Variants in BRINP2 observed in about 807,000 individuals in gnomAD.
BRINP2 encodes BMP/retinoic acid-inducible neural-specific protein 2.
Under a neutral mutation model 69.2 loss-of-function variants are expected in BRINP2, and 21 were observed. That is an observed-to-expected ratio of 0.30 (90% confidence interval 0.22 to 0.44). The LOEUF is 0.44. BRINP2 is among the 20% of genes least tolerant of loss of function. BRINP2 has a pLI of 1.00. For missense variants in BRINP2, 877 were observed against 986.0 expected (o/e 0.89, Z 1.48); for synonymous variants, 380 against 394.1 (o/e 0.96, Z 0.42).
intron 6 of BRINP2, 57 bp from the exon 7 acceptor site, chr1:177,278,506 C>A: frequency 6.5e-7 from 1 of 1,540,286 alleles, no homozygotes; most frequent in Admixed American, 1.7e-5. Flanking sequence ...TCCACTTGCC[C>A]CTACCAGAGT....
At position 177,198,202 on chromosome 1, in the gene BRINP2, A is replaced by C. The variant is rs187056015; in HGVS notation, c.-77+26470A>C. Among the ~76,000 whole-genome samples the C allele has an allele frequency of 1.2e-3, 189 of 152,344 alleles. 1 individual carries two copies. Among genetic ancestry groups the C allele is most frequent in the African/African-American group, 4.1e-3 (170 of 41,592 alleles). ...GGAAAATGTATGTAGAAATGTTCAC[A>C]TATATATTACATCTAAACAGACAAA... On this transcript the variant is annotated intron_variant, in intron 1 of 7. Transcript: ENST00000361539.
chr1:177,226,465 G>A (rs541713592), intron 1 of BRINP2, among the ~76,000 whole-genome samples: 21 of 152,186 alleles, frequency 1.4e-4, no homozygotes, highest in Non-Finnish European at 2.6e-4. Flanking sequence ...GGTCTTCAGG[G>A]AGCATGAAGA....
At chr1:177,204,127 C>T (rs1001598165) in intron 1 of BRINP2, among the ~76,000 whole-genome samples, 1 of 152,070 alleles carries the variant, frequency 6.6e-6, no homozygotes, top group Admixed American at 6.6e-5. Flanking sequence ...ATGCATCCTA[C>T]GTTATAAGAA....
At chr1:177,256,223 G>T in intron 3 of BRINP2, 114 bp downstream of exon 3, 1 of 1,430,174 alleles carries the variant, frequency 7.0e-7, no homozygotes. Context: ...TTTATTGCCT[G>T]AGAAGTCTTT....
chr1:177,222,076 A>G (rs2102319063), intron 1 of BRINP2, among the ~76,000 whole-genome samples: 1 of 152,332 alleles, frequency 6.6e-6, no homozygotes, highest in East Asian at 1.9e-4. Context: ...ATTCAGAGTG[A>G]CCTGGAGAAA....
intron 1 of BRINP2, among the ~76,000 whole-genome samples, chr1:177,195,124 C>T (rs1489587856): frequency 1.3e-5 from 2 of 152,162 alleles, no homozygotes; most frequent in African/African-American, 4.8e-5. Flanking sequence ...CTTTTCTTCA[C>T]TGTCCTGTTT....
intron 1 of BRINP2, 88 bp from the exon 2 acceptor site, chr1:177,229,713 G>T: frequency 2.1e-6 from 2 of 930,798 alleles, no homozygotes; most frequent in East Asian, 2.9e-5. Context: ...AGGATTTCCG[G>T]AATGGGCCCA....
intron 1 of BRINP2, among the ~76,000 whole-genome samples, chr1:177,185,384 T>C (rs1286321852): frequency 6.6e-6 from 1 of 152,184 alleles, no homozygotes; most frequent in Non-Finnish European, 1.5e-5. Context: ...ATAAATTTTC[T>C]ATGGAAAGTA....
At chr1:177,205,459 C>T (rs1264785528) in intron 1 of BRINP2, among the ~76,000 whole-genome samples, 1 of 152,142 alleles carries the variant, frequency 6.6e-6, no homozygotes, top group East Asian at 1.9e-4. Context: ...TTTTCTTCAA[C>T]AGAATTTCAG....
chr1:177,264,838 A>G (rs1007369333), intron 4 of BRINP2, among the ~76,000 whole-genome samples: 1 of 152,226 alleles, frequency 6.6e-6, no homozygotes, highest in Non-Finnish European at 1.5e-5. Context: ...TTCCATGCTC[A>G]TGGATAGGAA....
chr1:177,177,016 C>T (rs1391524131), intron 1 of BRINP2, among the ~76,000 whole-genome samples: 1 of 152,166 alleles, frequency 6.6e-6, no homozygotes, highest in Admixed American at 6.5e-5. Flanking sequence ...CTTTTTATCT[C>T]TACCACATTA....
intron 3 of BRINP2, 191 bp downstream of exon 3, chr1:177,256,300 T>C (rs1650754576): frequency 1.0e-6 from 1 of 983,256 alleles, no homozygotes; most frequent in Non-Finnish European, 1.2e-6. Context: ...TCTATTTAAT[T>C]ATTCCCTGAG....
chr1:177,238,945 A>C lies in BRINP2; in HGVS notation c.269+8800A>C, dbSNP rs367863992. Among the ~76,000 whole-genome samples the C allele has an allele frequency of 6.7e-4, 102 of 152,384 alleles. 1 individual carries two copies. The highest frequency in any genetic ancestry group is 2.3e-3 in the African/African-American group (95 of 41,596). On this transcript the variant is annotated intron_variant, in intron 2 of 7. Transcript: ENST00000361539. ...TCTGCTATTTGTACACTTATATAAC[A>C]GATGAGGACACTGAGTTTTAGAGGG...
intron 1 of BRINP2, among the ~76,000 whole-genome samples, chr1:177,194,818 G>A (rs1345554432): frequency 6.6e-6 from 1 of 152,048 alleles, no homozygotes; most frequent in African/African-American, 2.4e-5. Context: ...ATACTCATCA[G>A]GACCTGCATG....
At chr1:177,209,439 C>T (rs968603924) in intron 1 of BRINP2, among the ~76,000 whole-genome samples, 2 of 152,124 alleles carry the variant, frequency 1.3e-5, no homozygotes, top group African/African-American at 4.8e-5. Flanking sequence ...AGCACCAGTT[C>T]CAAGATCTGC....
intron 2 of BRINP2, among the ~76,000 whole-genome samples, chr1:177,239,709 C>T (rs1197002728): frequency 1.3e-5 from 2 of 152,172 alleles, no homozygotes; most frequent in Admixed American, 6.5e-5. Context: ...TCCCACTTGC[C>T]TTCACATTCA....
chr1:177,183,276 A>T (rs1342706957), intron 1 of BRINP2, among the ~76,000 whole-genome samples: 7 of 151,650 alleles, frequency 4.6e-5, no homozygotes, highest in Non-Finnish European at 4.4e-5. Flanking sequence ...AAGCCACAAC[A>T]AAAACTGGTT....
intron 1 of BRINP2, among the ~76,000 whole-genome samples, chr1:177,211,366 C>T (rs1399337801): frequency 6.6e-6 from 1 of 152,160 alleles, no homozygotes; most frequent in Non-Finnish European, 1.5e-5. Flanking sequence ...CACCCAGTGA[C>T]CCTTTCAAGG....
At position 177,171,131 on chromosome 1, in the gene BRINP2, C is replaced by T. The variant is rs1490400728; in HGVS notation, c.-678C>T. 2.0e-5 allele frequency among the ~76,000 whole-genome samples: 3 copies of T among 152,222 alleles called. No homozygotes were observed. Among genetic ancestry groups the T allele is most frequent in the Non-Finnish European group, 2.9e-5 (2 of 68,040 alleles). ...GGACTTGCCCGGGGATGTGCACCTG[C>T]CGTGCGCTCCGAGGTCAGTGGCAGG... is the stretch of plus-strand genomic sequence containing the variant. On this transcript the variant is annotated 5_prime_UTR_variant, in exon 1 of 8. Transcript: ENST00000361539.
Sources: gnomAD v4.1 joint callset for allele counts (sites outside exome capture counted in the v4.1 genomes callset) on GRCh38, gnomAD v4.1.1 for gene constraint, MANE v1.5 for transcripts, NCBI Gene and HGNC (gene_info 2026-07-23, HGNC 2026-07-21) for gene names.